The following SHANK2 variants were observed in gnomAD, a reference collection of about 807,000 sequenced individuals.
The protein encoded by SHANK2 is SH3 and multiple ankyrin repeat domains 2, also known as SH3 and multiple ankyrin repeat domains protein 2.
Under a neutral mutation model 133.7 loss-of-function variants are expected in SHANK2, and 43 were observed. The ratio of observed to expected loss-of-function variants is 0.32; its 90% CI spans 0.25 to 0.41. The LOEUF (loss-of-function observed/expected upper bound fraction) is 0.41, where lower values mean the gene tolerates loss of function less well. Ranked by LOEUF, SHANK2 falls within the 10% of genes least tolerant of loss-of-function variation. SHANK2 has a pLI of 1.00. For missense variants in SHANK2, 1,994 were observed against 2,235.8 expected (o/e 0.89, Z 2.18); for synonymous variants, 1,017 against 952.8 (o/e 1.07, Z -1.24).
chr11:70,663,509 G>A (rs749003186), intron 15 of SHANK2, among the ~76,000 whole-genome samples: 21 of 152,150 alleles, frequency 1.4e-4, no homozygotes, highest in Admixed American at 3.3e-4. Flanking sequence ...ACCCACCCCC[G>A]ACAGCATCAG....
chr11:70,756,563 C>T (rs546429426), intron 14 of SHANK2, among the ~76,000 whole-genome samples: 1 of 152,276 alleles, frequency 6.6e-6, no homozygotes, highest in East Asian at 1.9e-4. Flanking sequence ...GGCTACCTCT[C>T]TAACTAGTCT....
chr11:70,913,622 C>T (rs1348798441), intron 10 of SHANK2, among the ~76,000 whole-genome samples: 1 of 152,166 alleles, frequency 6.6e-6, no homozygotes, highest in Non-Finnish European at 1.5e-5. Context: ...AATTTAAAAA[C>T]CACTAAAAAT....
chr11:70,657,848 C>T (rs1555012024), intron 17 of SHANK2, among the ~76,000 whole-genome samples: 2 of 152,150 alleles, frequency 1.3e-5, no homozygotes, highest in Non-Finnish European at 1.5e-5. Context: ...CAAATTTCCA[C>T]AAAGGCTTCA....
chr11:70,702,555 A>G (rs958149185), intron 14 of SHANK2, among the ~76,000 whole-genome samples: 1 of 151,978 alleles, frequency 6.6e-6, no homozygotes, highest in Non-Finnish European at 1.5e-5. Flanking sequence ...CATCACCACC[A>G]TCATCAACCA....
At chr11:70,598,970 CT>C (rs55694435) in intron 17 of SHANK2, among the ~76,000 whole-genome samples, 3,535 of 135,450 alleles carry the variant, frequency 0.026, 153 homozygotes, top group African/African-American at 0.091. Context: ...ATTTTGAAAG[CT>C]TTTTTTTTTT....
chr11:70,541,302 C>T (rs190212625), intron 17 of SHANK2, among the ~76,000 whole-genome samples: 1 of 152,348 alleles, frequency 6.6e-6, no homozygotes, highest in African/African-American at 2.4e-5. Context: ...CCTGGCTGCA[C>T]CTCTAAGCCT....
intron 3 of SHANK2, among the ~76,000 whole-genome samples, chr11:71,129,587 T>C (rs1555103352): frequency 2.0e-5 from 3 of 152,040 alleles, no homozygotes; most frequent in Admixed American, 6.5e-5. Flanking sequence ...GAGGCTGCAG[T>C]GAACTATGAT....
chr11:71,075,583 G>A, intron 8 of SHANK2, among the ~76,000 whole-genome samples: 1 of 152,300 alleles, frequency 6.6e-6, no homozygotes, highest in South Asian at 2.1e-4. Context: ...CCGGGGCCTA[G>A]AGCCCAGAGG....
rs1304549455 is a variant in SHANK2, at chr11:70,487,810, C to G, written c.2573-90G>C. 3 of 1,547,386 alleles carry G rather than the reference C, an allele frequency of 1.9e-6. No homozygotes were observed. Among genetic ancestry groups the G allele is most frequent in the African/African-American group, 1.4e-5 (1 of 73,030 alleles). Reference sequence around the variant, plus strand: ...GTGCGATACGCTACATCTCCACAAACTCACAAATTCAGATGATGAACCGGA... The same window carrying G: ...GTGCGATACGCTACATCTCCACAAAGTCACAAATTCAGATGATGAACCGGA... On this transcript the variant is annotated intron_variant, in intron 24 of 25. Transcript: ENST00000601538. This position sits in a 1 kb window ranked among gnomAD's most constrained non-coding sequence, Gnocchi z 5.8.
At chr11:71,061,479 C>T (rs919734724) in intron 9 of SHANK2, among the ~76,000 whole-genome samples, 9 of 152,170 alleles carry the variant, frequency 5.9e-5, no homozygotes, top group South Asian at 2.1e-4. Flanking sequence ...ACTGAGAGAG[C>T]GGTTCTGCCT....
intron 17 of SHANK2, among the ~76,000 whole-genome samples, chr11:70,568,033 G>C (rs1203735709): frequency 2.0e-5 from 3 of 152,258 alleles, no homozygotes; most frequent in African/African-American, 7.2e-5. Context: ...GCCATCAGCT[G>C]ATGGCCAGTA....
intron 17 of SHANK2, among the ~76,000 whole-genome samples, chr11:70,658,264 GACACAC>G (rs1208417379): frequency 2.0e-5 from 2 of 99,236 alleles, no homozygotes; most frequent in Non-Finnish European, 3.9e-5. Flanking sequence ...CACACACACA[GACACAC>G]ACACACACAC....
chr11:70,501,107 G>A (rs1202575103), intron 20 of SHANK2, among the ~76,000 whole-genome samples: 1 of 151,886 alleles, frequency 6.6e-6, no homozygotes, highest in Non-Finnish European at 1.5e-5. Flanking sequence ...CACCTCCTCC[G>A]TCGCCTGTGA....
chr11:71,072,176 A>C (rs1951151380), intron 9 of SHANK2, among the ~76,000 whole-genome samples: 1 of 151,892 alleles, frequency 6.6e-6, no homozygotes, highest in African/African-American at 2.4e-5. Flanking sequence ...CAGTGCCTGC[A>C]CCCCACCTAT....
chr11:71,144,983 T>C (rs1952617525), intron 3 of SHANK2, among the ~76,000 whole-genome samples: 1 of 152,246 alleles, frequency 6.6e-6, no homozygotes, highest in Non-Finnish European at 1.5e-5. Context: ...GTGATCACCA[T>C]TGCTAAGTCT....
chr11:70,702,139 CCATCTTCTTCACCAT>C (rs1299801196), intron 14 of SHANK2, among the ~76,000 whole-genome samples: 1 of 149,122 alleles, frequency 6.7e-6, no homozygotes, highest in African/African-American at 2.5e-5. Context: ...ATCATCACCA[CCATCTTCTTCACCAT>C]CATCACCAAC....
intron 2 of SHANK2, among the ~76,000 whole-genome samples, chr11:71,156,359 C>A (rs1184587562): frequency 3.9e-5 from 6 of 151,944 alleles, no homozygotes; most frequent in Non-Finnish European, 7.3e-5. Context: ...CACTCTGTTA[C>A]CAGCCCTGCT....
At chr11:71,200,613 T>C (rs1225911981) in intron 2 of SHANK2, among the ~76,000 whole-genome samples, 1 of 152,118 alleles carries the variant, frequency 6.6e-6, no homozygotes, top group Non-Finnish European at 1.5e-5. Flanking sequence ...AACTTCACTC[T>C]ACATTTAACT....
intron 2 of SHANK2, among the ~76,000 whole-genome samples, chr11:71,204,080 A>G (rs1954078477): frequency 2.6e-5 from 4 of 152,276 alleles, no homozygotes; most frequent in Non-Finnish European, 5.9e-5. Context: ...AGTCCTTCTC[A>G]TGAATCAGTG....
Sources: gnomAD v4.1 joint callset for allele counts (sites outside exome capture counted in the v4.1 genomes callset) on GRCh38, gnomAD v4.1.1 for gene constraint, Gnocchi (gnomAD v3.1) non-coding constraint, MANE v1.5 for transcripts, NCBI Gene and HGNC (gene_info 2026-07-23, HGNC 2026-07-21) for gene names.